The following ZFHX3 variants were observed in gnomAD, a reference collection of about 807,000 sequenced individuals.
ZFHX3 encodes the protein zinc finger homeobox protein 3.
A neutral mutation model predicts 279.1 loss-of-function variants in ZFHX3; 42 were observed. That is an observed-to-expected ratio of 0.15 (90% CI 0.12 to 0.19). The LOEUF is 0.19. ZFHX3 is among the 10% of genes least tolerant of loss of function. The pLI, the probability that ZFHX3 is intolerant of heterozygous loss-of-function variation, is 1.00. For synonymous variants in ZFHX3, 2,293 were observed against 1,957.8 expected (o/e 1.17, Z -4.52); for missense variants, 4,981 against 4,754.0 (o/e 1.05, Z -1.40).
At chr16:72,919,771 C>T (rs1438450231) in intron 3 of ZFHX3, among the ~76,000 whole-genome samples, 2 of 123,696 alleles carry the variant, frequency 1.6e-5, no homozygotes, top group Non-Finnish European at 3.2e-5. Context: ...CATGTATATG[C>T]ACCATCTTTT....
intron 1 of ZFHX3, among the ~76,000 whole-genome samples, chr16:73,034,514 C>A (rs1964829015): frequency 6.6e-6 from 1 of 152,206 alleles, no homozygotes. Context: ...AAAAACCACA[C>A]CAATTACCTA....
chr16:72,824,073 G>T (rs2036870928), intron 5 of ZFHX3, among the ~76,000 whole-genome samples: 1 of 152,158 alleles, frequency 6.6e-6, no homozygotes, highest in Non-Finnish European at 1.5e-5. Flanking sequence ...AGGGAAAACA[G>T]GGGGAGGGCT....
intron 1 of ZFHX3, among the ~76,000 whole-genome samples, chr16:72,970,229 T>C (rs78156831): frequency 2.3e-3 from 349 of 151,832 alleles, no homozygotes; most frequent in Non-Finnish European, 4.2e-3. Flanking sequence ...TTTTTTACTA[T>C]ATATGTAAAC....
intron 1 of ZFHX3, among the ~76,000 whole-genome samples, chr16:73,823,354 A>G (rs1567422225): frequency 6.6e-6 from 1 of 152,120 alleles, no homozygotes; most frequent in Non-Finnish European, 1.5e-5. Context: ...CAAGATAGAG[A>G]CACAATGCAA....
intron 1 of ZFHX3, among the ~76,000 whole-genome samples, chr16:73,801,466 A>T (rs539086930): frequency 2.0e-5 from 3 of 152,342 alleles, no homozygotes; most frequent in Non-Finnish European, 2.9e-5. Context: ...TTGGTTTGCA[A>T]CTAATTCTGC....
intron 1 of ZFHX3, among the ~76,000 whole-genome samples, chr16:73,881,493 ACT>A (rs2030163192): frequency 4.9e-5 from 1 of 20,344 alleles, no homozygotes; most frequent in Non-Finnish European, 1.0e-4. Context: ...CCCCCCCCCC[ACT>A]CTGCCCATGG....
At chr16:72,850,483 T>G (rs2037588972) in intron 4 of ZFHX3, among the ~76,000 whole-genome samples, 1 of 152,096 alleles carries the variant, frequency 6.6e-6, no homozygotes, top group South Asian at 2.1e-4. Flanking sequence ...AGAGTCGAAG[T>G]TGGGGAAAAA....
At chr16:72,847,687 G>A (rs1285071358) in intron 4 of ZFHX3, among the ~76,000 whole-genome samples, 1 of 152,032 alleles carries the variant, frequency 6.6e-6, no homozygotes, top group Admixed American at 6.5e-5. Context: ...GGCTTGCTGG[G>A]GACCCAACAG....
At chr16:73,464,127 G>A (rs1183644933) in intron 2 of ZFHX3, among the ~76,000 whole-genome samples, 1 of 151,868 alleles carries the variant, frequency 6.6e-6, no homozygotes, top group African/African-American at 2.4e-5. Context: ...AAATATTACT[G>A]GGAATTATTA....
At chr16:73,578,811 A>G (rs2143819511) in intron 2 of ZFHX3, among the ~76,000 whole-genome samples, 1 of 152,064 alleles carries the variant, frequency 6.6e-6, no homozygotes, top group Middle Eastern at 3.4e-3. Context: ...AGATTCAATA[A>G]CTCTCTAGAT....
rs148438971 is a variant in ZFHX3 at position 72,860,413 on chromosome 16, C to G, written c.3448+29318G>C. Among the ~76,000 whole-genome samples the G allele has an allele frequency of 1.3e-3, 201 of 152,248 alleles. 1 individual carries two copies. Among genetic ancestry groups the G allele is most frequent in the African/African-American group, 4.5e-3 (185 of 41,560 alleles). ...ATATCAAACGTGTGTCCCTCCAAAC[C>G]ACCTTCCAAATTTACAAACTTTTTA... On this transcript the variant is annotated intron_variant, in intron 4 of 9. Transcript: ENST00000268489.
upstream of ZFHX3, among the ~76,000 whole-genome samples, chr16:73,063,504 C>G (rs529985989): frequency 3.1e-4 from 47 of 152,284 alleles, no homozygotes; most frequent in South Asian, 6.0e-3. Flanking sequence ...ATCCAAGGCT[C>G]TGCCCTAAGG....
At chr16:73,054,032 G>T (rs1489603507) in intron 1 of ZFHX3, among the ~76,000 whole-genome samples, 1 of 151,552 alleles carries the variant, frequency 6.6e-6, no homozygotes, top group Non-Finnish European at 1.5e-5. Flanking sequence ...GGGAGGAAAG[G>T]GGCTGAAGGG....
intron 4 of ZFHX3, among the ~76,000 whole-genome samples, chr16:73,277,682 C>T (rs1488126126): frequency 6.6e-6 from 1 of 152,166 alleles, no homozygotes; most frequent in Non-Finnish European, 1.5e-5. Context: ...ATCTGCTTTG[C>T]TTATGGTGGA....
At chr16:73,441,630 C>T (rs1378865437) in intron 3 of ZFHX3, among the ~76,000 whole-genome samples, 1 of 152,130 alleles carries the variant, frequency 6.6e-6, no homozygotes, top group African/African-American at 2.4e-5. Flanking sequence ...GCAAGTCCAG[C>T]TCAGAGGAGA....
intron 7 of ZFHX3, among the ~76,000 whole-genome samples, chr16:72,802,850 C>G (rs1362305276): frequency 6.6e-6 from 1 of 152,206 alleles, no homozygotes; most frequent in Non-Finnish European, 1.5e-5. Flanking sequence ...ATAAACAATC[C>G]TGCCAACAGA....
At chr16:73,274,985 T>A (rs1385871650) in intron 4 of ZFHX3, among the ~76,000 whole-genome samples, 1 of 151,774 alleles carries the variant, frequency 6.6e-6, no homozygotes, top group Non-Finnish European at 1.5e-5. Context: ...TTGTCTGTAA[T>A]TTTTTTTTCT....
chr16:73,107,676 C>T (rs929754723), intron 7 of ZFHX3, among the ~76,000 whole-genome samples: 1 of 152,134 alleles, frequency 6.6e-6, no homozygotes, highest in African/African-American at 2.4e-5. Flanking sequence ...CAGCACCACG[C>T]GTATTTGGTT....
chr16:73,430,101 G>C (rs2017885615), intron 3 of ZFHX3, among the ~76,000 whole-genome samples: 1 of 151,640 alleles, frequency 6.6e-6, no homozygotes, highest in African/African-American at 2.4e-5. Flanking sequence ...TGTTGCCCAG[G>C]CTGGTCTCCA....
Sources: allele counts gnomAD v4.1 joint callset (sites outside exome capture counted in the v4.1 genomes callset), GRCh38; gene constraint gnomAD v4.1.1; transcripts MANE v1.5; gene names NCBI Gene and HGNC (gene_info 2026-07-23, HGNC 2026-07-21).